The following DNAAF5 variants were observed in gnomAD, a reference collection of about 807,000 sequenced individuals.
DNAAF5 encodes HEAT repeat containing 2.
In DNAAF5, 64 loss-of-function variants were observed where a neutral mutation model predicts 75.8. That is an observed-to-expected ratio of 0.84 (90% CI 0.69 to 1.04). DNAAF5 has a LOEUF of 1.04. Ranked by LOEUF, DNAAF5 falls within the 50% of genes least tolerant of loss-of-function variation. DNAAF5 has a pLI of 0.00. For missense variants in DNAAF5, 1,269 were observed against 1,178.5 expected (o/e 1.08, Z -1.12); for synonymous variants, 657 against 557.2 (o/e 1.18, Z -2.52).
intron 12 of DNAAF5, among the ~76,000 whole-genome samples, chr7:783,612 G>T (rs1040138227): frequency 6.6e-6 from 1 of 152,222 alleles, no homozygotes; most frequent in East Asian, 1.9e-4. Flanking sequence ...GTCACGGAAA[G>T]AAGCTGCGAA....
chr7:740,668 A>C, intron 2 of DNAAF5, 151 bp from the exon 3 acceptor site: 1 of 1,115,848 alleles, frequency 9.0e-7, no homozygotes, highest in Non-Finnish European at 1.3e-6. Context: ...TGTCTTGGGG[A>C]TGGCATCTAG....
intron 4 of DNAAF5, among the ~76,000 whole-genome samples, chr7:753,732 G>A (rs111995651): frequency 1.1e-3 from 150 of 133,580 alleles, no homozygotes; most frequent in Non-Finnish European, 2.0e-3. Flanking sequence ...GGACGGCTTC[G>A]CAGGCGTGTC....
chr7:727,535 C>T (rs1054398934), intron 1 of DNAAF5: 13 of 289,572 alleles, frequency 4.5e-5, no homozygotes, highest in Middle Eastern at 9.4e-4. Flanking sequence ...CCCTGCCTCA[C>T]GTCCCGCCAC....
chr7:773,542 C>A (rs574602829), intron 9 of DNAAF5, among the ~76,000 whole-genome samples: 10 of 148,098 alleles, frequency 6.8e-5, no homozygotes, highest in Non-Finnish European at 5.9e-5. Flanking sequence ...GGTCCCCGGA[C>A]CGCGCCTGTG....
At chr7:746,119 T>C (rs1782094863) in intron 4 of DNAAF5, among the ~76,000 whole-genome samples, 1 of 152,236 alleles carries the variant, frequency 6.6e-6, no homozygotes, top group Admixed American at 6.5e-5. Flanking sequence ...GATTTTTTTC[T>C]ACAGTATTTT....
At chr7:766,422 A>G (rs2128081855) in intron 8 of DNAAF5, among the ~76,000 whole-genome samples, 2 of 152,364 alleles carry the variant, frequency 1.3e-5, no homozygotes, top group East Asian at 3.9e-4. Flanking sequence ...ATGGGAAGAT[A>G]CCTTTTAAAT....
At position 754,735 on chromosome 7, in the gene DNAAF5, G is replaced by A. The variant is rs770230973; in HGVS notation, c.1171G>A (p.Glu391Lys). Reference protein sequence around the residue: ...QLLPVLLLHAEDHATQHLEVV... With the variant: ...QLLPVLLLHAKDHATQHLEVV... ...GCTCCCAGTGCTGCTGCTGCATGCC[G>A]AGGACCACGCCACGCAGCACCTGGA... Residue 391 changes from glutamate (E) to lysine (K), a missense_variant, in exon 5 of 13, where the codon GAG becomes AAG. Coordinates refer to ENST00000297440, the MANE Select transcript of DNAAF5 (RefSeq NM_017802.4). The surrounding 1 kb of genome is among the most constrained non-coding windows in gnomAD (Gnocchi z 4.8). 19 of 1,613,698 alleles carry A rather than the reference G, an allele frequency of 1.2e-5. No individual in the cohort carries two copies. The highest frequency in any genetic ancestry group is 4.0e-5 in the African/African-American group (3 of 75,042).
intron 5 of DNAAF5, among the ~76,000 whole-genome samples, chr7:755,218 G>T (rs1782445215): frequency 1.3e-5 from 2 of 152,198 alleles, no homozygotes; most frequent in Non-Finnish European, 2.9e-5. Flanking sequence ...GGCTGTGGGA[G>T]CACCCAGACG....
chr7:766,147 A>G (rs886440572), intron 8 of DNAAF5, among the ~76,000 whole-genome samples: 10 of 152,282 alleles, frequency 6.6e-5, no homozygotes, highest in African/African-American at 1.2e-4. Flanking sequence ...GCATTTCCCA[A>G]TGATGATTAT....
In DNAAF5 at chr7:741,335, G is replaced by A. The variant is rs777824708; in HGVS notation, c.906-12G>A. On this transcript the variant is annotated splice_polypyrimidine_tract_variant and intron_variant, in intron 3 of 12. Transcript: ENST00000297440. ...TGCCCTGAGCCACTGTTGTCTGTCT[G>A]TTGTGCCTCAGGCAGCTGGCTGCCA... 1.3e-6 allele frequency: 2 copies of A among 1,580,964 alleles called. No homozygotes were observed. The highest frequency in any genetic ancestry group is 1.7e-6 in the Non-Finnish European group (2 of 1,162,430).
chr7:750,451 T>C (rs1400501685), intron 4 of DNAAF5, among the ~76,000 whole-genome samples: 1 of 152,144 alleles, frequency 6.6e-6, no homozygotes, highest in African/African-American at 2.4e-5. Context: ...GGAAGACAAT[T>C]TTTCCATGGG....
chr7:752,097 A>C (rs2128077236), intron 4 of DNAAF5, among the ~76,000 whole-genome samples: 1 of 152,304 alleles, frequency 6.6e-6, no homozygotes, highest in South Asian at 2.1e-4. Context: ...GCAGAACGAG[A>C]GCGTCCAGAA....
rs199552751 is a variant in DNAAF5 at position 763,909 on chromosome 7, C to T, written c.1718C>T (p.Ser573Leu). 654 of 1,611,882 alleles carry T rather than the reference C, an allele frequency of 4.1e-4. 4 individuals carry two copies. The highest frequency in any genetic ancestry group is 1.6e-3 in the South Asian group (142 of 91,090). The change falls in exon 8 of 13, where the codon TCG (serine) becomes TTG (leucine). Residue 573 changes from serine (S) to leucine (L), a missense_variant. Ser to Leu is a moderately radical substitution (Grantham distance 145). Coordinates refer to ENST00000297440, the MANE Select transcript of DNAAF5 (RefSeq NM_017802.4). The part of the protein sequence containing the change: ...IGPLLERVTA[S>L]HLDWTAHSPE... ...CCCCTCCTGGAGCGGGTGACCGCGT[C>T]GCACCTTGACTGGACCGCACACTCG...
At chr7:769,802 G>A (rs1027623269) in intron 8 of DNAAF5, among the ~76,000 whole-genome samples, 1 of 152,082 alleles carries the variant, frequency 6.6e-6, no homozygotes, top group East Asian at 1.9e-4. Flanking sequence ...ACCACGCCCA[G>A]CTAATTTTGT....
intron 2 of DNAAF5, among the ~76,000 whole-genome samples, chr7:732,031 T>A (rs1039717488): frequency 2.0e-5 from 3 of 152,200 alleles, no homozygotes; most frequent in African/African-American, 7.2e-5. Context: ...TAGACTCGGC[T>A]TAAATCACTG....
chr7:770,736 A>G, intron 9 of DNAAF5, 118 bp downstream of exon 9: 1 of 980,600 alleles, frequency 1.0e-6, no homozygotes, highest in Non-Finnish European at 1.5e-6. Flanking sequence ...CCAACACTGC[A>G]CTGCGCAAGG....
At chr7:770,327 A>C in intron 8 of DNAAF5, 144 bp from the exon 9 acceptor site, 1 of 662,964 alleles carries the variant, frequency 1.5e-6, no homozygotes, top group South Asian at 2.1e-5. Flanking sequence ...TAATCACCTT[A>C]CTGATTGAGA....
chr7:754,271 T>C lies in DNAAF5; in HGVS notation c.1025-318T>C, dbSNP rs931191124. ...TCCTGCGTAGCTGGGACCACAGGCA[T>C]GCACCACGGCACCTGGCTAATCTTC... On this transcript the variant is annotated intron_variant, in intron 4 of 12. Transcript: ENST00000297440. The surrounding 1 kb of genome is among the most constrained non-coding windows in gnomAD (Gnocchi z 4.8). Among the ~76,000 whole-genome samples, 1 of 152,210 alleles carries C rather than the reference T, an allele frequency of 6.6e-6. No individual in the cohort carries two copies. The highest frequency in any genetic ancestry group is 1.5e-5 in the Non-Finnish European group (1 of 68,036).
Position 754,885 on chromosome 7 carries a change from T to A in DNAAF5, c.1257+64T>A. On this transcript the variant is annotated intron_variant, in intron 5 of 12. Transcript: ENST00000297440. This position sits in a 1 kb window ranked among gnomAD's most constrained non-coding sequence, Gnocchi z 4.8. ...ACTCGAGCTTAAGATCCCGCCTCTG[T>A]GGTGTGCGGGGCCCGAGGCTGTACT... is the stretch of plus-strand genomic sequence containing the variant. The A allele has an allele frequency of 7.9e-7, 1 of 1,272,046 alleles. No homozygotes were observed. The highest frequency in any genetic ancestry group is 1.1e-6 in the Non-Finnish European group (1 of 910,082). 78.8% of individuals were successfully genotyped at this position (1,272,046 alleles called of 1,614,324 possible).
Sources: allele counts gnomAD v4.1 joint callset (sites outside exome capture counted in the v4.1 genomes callset), GRCh38; gene constraint gnomAD v4.1.1; non-coding constraint Gnocchi (gnomAD v3.1); transcripts MANE v1.5; gene names NCBI Gene and HGNC (gene_info 2026-07-23, HGNC 2026-07-21).